The following PFKFB2 variants were observed in gnomAD, a reference collection of about 807,000 sequenced individuals.
PFKFB2 encodes 6-phosphofructo-2-kinase/fructose-2,6-bisphosphatase 2.
In PFKFB2, 53 loss-of-function variants were observed where a neutral mutation model predicts 68.0. The observed-to-expected ratio is 0.78, with a 90% confidence interval of 0.63 to 0.98. PFKFB2 has a LOEUF of 0.98. Among genes scored for constraint, PFKFB2 ranks in the 50% least tolerant of loss-of-function variants. PFKFB2 has a pLI of 0.00. For synonymous variants in PFKFB2, 222 were observed against 227.6 expected (o/e 0.98, Z 0.22); for missense variants, 451 against 642.0 (o/e 0.70, Z 3.22).
rs751726239 is a variant in PFKFB2, at chr1:207,062,060, A to T, written c.193A>T (p.Ile65Phe). The change falls in exon 3 of 15, where the codon ATT (isoleucine) becomes TTT (phenylalanine). Residue 65 changes from isoleucine (I) to phenylalanine (F), a missense_variant. Physicochemically the swap from Ile to Phe is conservative, Grantham distance 21 (BLOSUM62 0). Transcript: ENST00000367080. ...GAAACTAACACGCTACCTCAACTGG[A>T]TTGGAGTCCCCACCAAAGGTAAGTG... ...SKKLTRYLNWIGVPTKVFNLG... is the reference protein window; with the variant it reads ...SKKLTRYLNWFGVPTKVFNLG... The T allele has an allele frequency of 8.7e-6, 14 of 1,614,090 alleles. No individual in the cohort carries two copies. In the East Asian group the frequency reaches 2.5e-4, roughly 28 times the overall value.
At chr1:207,049,530 G>C (rs780399188), upstream of PFKFB2, 3 of 1,614,126 alleles carry the variant, frequency 1.9e-6, no homozygotes, top group South Asian at 3.3e-5. Flanking sequence ...TCATCTCAGG[G>C]GCACAAGCTG....
downstream of PFKFB2, chr1:207,080,739 G>T (rs1683741960): frequency 6.6e-6 from 1 of 151,750 alleles, no homozygotes; most frequent in South Asian, 2.1e-4. Context: ...TTTTTTTGTA[G>T]AAATTTAGGT....
intron 1 of PFKFB2, among the ~76,000 whole-genome samples, chr1:207,040,607 C>T (rs1199272979): frequency 6.6e-6 from 1 of 152,116 alleles, no homozygotes; most frequent in Non-Finnish European, 1.5e-5. Flanking sequence ...GTCTTGTTTT[C>T]GTCTGGTAAA....
At chr1:207,065,374 A>C in intron 8 of PFKFB2, 2 of 895,694 alleles carry the variant, frequency 2.2e-6, no homozygotes, top group Non-Finnish European at 2.7e-6. Flanking sequence ...GTTTTGAGAC[A>C]GGGTCTCACT....
At chr1:207,048,555 GCCTTC>G, upstream of PFKFB2, 1 of 157,034 alleles carries the variant, frequency 6.4e-6, no homozygotes, top group South Asian at 1.9e-4. Context: ...CTCACAGGAG[GCCTTC>G]CACATTACCC....
chr1:207,071,280 C>A, intron 13 of PFKFB2, 30 bp downstream of exon 13: 1 of 1,576,610 alleles, frequency 6.3e-7, no homozygotes, highest in Non-Finnish European at 8.7e-7. Flanking sequence ...CTGGCAGGAG[C>A]TGGGAATTGA....
downstream of PFKFB2, chr1:207,078,983 A>G (rs1683698875): frequency 6.2e-7 from 1 of 1,612,304 alleles, no homozygotes; most frequent in African/African-American, 1.3e-5. Context: ...CTGTGCGCAG[A>G]CGCCCCTCCG....
At chr1:207,059,092 G>A (rs1412175342) in intron 2 of PFKFB2, among the ~76,000 whole-genome samples, 3 of 152,238 alleles carry the variant, frequency 2.0e-5, no homozygotes, top group African/African-American at 4.8e-5. Context: ...TGTAGCAGGT[G>A]TGCTTAAGTG....
Position 207,074,017 on chromosome 1 carries a change from C to G in PFKFB2, c.*1646C>G. 4.1e-6 allele frequency: 4 copies of G among 968,092 alleles called. No individual in the cohort carries two copies. Among genetic ancestry groups the G allele is most frequent in the Non-Finnish European group, 3.7e-6 (3 of 814,188 alleles). 60.0% of individuals were successfully genotyped at this position (968,092 alleles called of 1,614,324 possible). On this transcript the variant is annotated 3_prime_UTR_variant, in exon 15 of 15. Transcript: ENST00000367080. Reference sequence around the variant, plus strand: ...CTGTGGTTCTCATCCAGGAGTATTCCTTAGAATTGCCTTTAGGATTGTTGA... The same window carrying G: ...CTGTGGTTCTCATCCAGGAGTATTCGTTAGAATTGCCTTTAGGATTGTTGA...
intron 2 of PFKFB2, chr1:207,045,403 T>C (rs1682575184): frequency 6.6e-6 from 1 of 152,528 alleles, no homozygotes. Flanking sequence ...TCTACACTGA[T>C]GGCAATCTTT....
intron 3 of PFKFB2, chr1:207,062,417 G>T: frequency 1.3e-6 from 1 of 751,420 alleles, no homozygotes; most frequent in Non-Finnish European, 2.2e-6. Context: ...TGAAACCTCA[G>T]ACAGCTTAAG....
Position 207,074,545 on chromosome 1 carries a change from G to A in PFKFB2, c.*2174G>A. On this transcript the variant is annotated 3_prime_UTR_variant, in exon 15 of 15. Transcript: ENST00000367080. ...CTGACCCCGGGTCCTTTACTCGTAT[G>A]TCCCAAGTAGGATACCATAGGCAGC... The A allele has an allele frequency of 1.0e-5, 10 of 985,390 alleles. No homozygotes were observed. Among genetic ancestry groups the A allele is most frequent in the Non-Finnish European group, 1.2e-5 (10 of 829,936 alleles). The allele number at this position is 985,390 out of a possible 1,614,324, so 61.0% of individuals were successfully genotyped here.
Position 207,075,647 on chromosome 1 carries a change from G to C in PFKFB2, c.*3276G>C. On this transcript the variant is annotated 3_prime_UTR_variant, in exon 15 of 15. Transcript: ENST00000367080. ...GCATTTAATCTACTGGAATAAGCTG[G>C]TTGCTGTGGCTTATACCTGTAGTCC... The C allele has an allele frequency of 1.0e-6, 1 of 983,656 alleles. No homozygotes were observed. Among genetic ancestry groups the C allele is most frequent in the African/African-American group, 1.7e-5 (1 of 57,316 alleles). 60.9% of individuals were successfully genotyped at this position (983,656 alleles called of 1,614,324 possible).
chr1:207,053,903 C>A (rs868321681), intron 1 of PFKFB2, among the ~76,000 whole-genome samples: 1 of 114,806 alleles, frequency 8.7e-6, no homozygotes, highest in African/African-American at 3.6e-5. Flanking sequence ...TTTCATTTTT[C>A]ATTTTTTTTT....
chr1:207,043,396 T>C (rs1473331199), intron 2 of PFKFB2, among the ~76,000 whole-genome samples: 1 of 152,208 alleles, frequency 6.6e-6, no homozygotes, highest in Non-Finnish European at 1.5e-5. Context: ...AATAGTTTAG[T>C]TTAGTTAGGG....
rs1683628970 is a variant in PFKFB2 at position 207,076,552 on chromosome 1, A to G, written c.*4181A>G. ...TCGACTTTCCCTGAAGGTGACACAG[A>G]TGTCAGAATTGTGTCCAGGGATTTA... On this transcript the variant is annotated 3_prime_UTR_variant, in exon 15 of 15. Transcript: ENST00000367080. 1 of 985,304 alleles carries G rather than the reference A, an allele frequency of 1.0e-6. No individual in the cohort carries two copies. The highest frequency in any genetic ancestry group is 1.2e-6 in the Non-Finnish European group (1 of 829,824). The allele number at this position is 985,304 out of a possible 1,614,324, so 61.0% of individuals were successfully genotyped here.
intron 1 of PFKFB2, among the ~76,000 whole-genome samples, chr1:207,039,458 C>T (rs777148416): frequency 2.8e-4 from 43 of 152,094 alleles, no homozygotes; most frequent in Middle Eastern, 3.4e-3. Context: ...TATAAATATC[C>T]GACAGAATGG....
rs892240215 is a variant in PFKFB2, at chr1:207,063,575, C to G, written c.450+154C>G. Among the ~76,000 whole-genome samples, 1 of 152,150 alleles carries G rather than the reference C, an allele frequency of 6.6e-6. No individual in the cohort carries two copies. The highest frequency in any genetic ancestry group is 2.4e-5 in the African/African-American group (1 of 41,418). On this transcript the variant is annotated intron_variant, in intron 6 of 14. Coordinates refer to ENST00000367080, the MANE Select transcript of PFKFB2 (RefSeq NM_006212.2). This position sits in a 1 kb window ranked among gnomAD's most constrained non-coding sequence, Gnocchi z 4.1. Reference sequence around the variant, plus strand: ...CCCCCAGTCCTTGAGTGTTTTCATTCAGGTCCTTTCTCAGACTGTTAGCCT... The same window carrying G: ...CCCCCAGTCCTTGAGTGTTTTCATTGAGGTCCTTTCTCAGACTGTTAGCCT...
Position 207,076,070 on chromosome 1 carries a change from A to G in PFKFB2, c.*3699A>G. 4 of 985,390 alleles carry G rather than the reference A, an allele frequency of 4.1e-6. No homozygotes were observed. The highest frequency in any genetic ancestry group is 4.8e-6 in the Non-Finnish European group (4 of 829,934). The allele number at this position is 985,390 out of a possible 1,614,324, so 61.0% of individuals were successfully genotyped here. A position where few individuals can be genotyped will look rare whatever the true frequency, so the allele number is the denominator to read the frequency against. On this transcript the variant is annotated 3_prime_UTR_variant, in exon 15 of 15. Coordinates refer to ENST00000367080, the MANE Select transcript of PFKFB2 (RefSeq NM_006212.2). ...TTGTTGTTATTGTTTGTTTGTTTCCAAAGAAGTTGGAGTTAAGGACACAAT... is the reference window on the plus strand; with the variant it reads ...TTGTTGTTATTGTTTGTTTGTTTCCGAAGAAGTTGGAGTTAAGGACACAAT...
Sources: allele counts gnomAD v4.1 joint callset (sites outside exome capture counted in the v4.1 genomes callset), GRCh38; gene constraint gnomAD v4.1.1; non-coding constraint Gnocchi (gnomAD v3.1); transcripts MANE v1.5; gene names NCBI Gene and HGNC (gene_info 2026-07-23, HGNC 2026-07-21).